The following MEF2C variants were observed in gnomAD, a reference collection of about 807,000 sequenced individuals.
The protein encoded by MEF2C is myocyte enhancer factor 2C, also known as myocyte-specific enhancer factor 2C.
MEF2C carries 6 observed loss-of-function variants against 50.5 expected under a neutral mutation model. The observed-to-expected ratio is 0.12, with a 90% CI of 0.07 to 0.23. MEF2C has a LOEUF of 0.23. MEF2C is among the 10% of genes least tolerant of loss of function. MEF2C has a pLI of 1.00. For synonymous variants in MEF2C, 183 were observed against 228.0 expected (o/e 0.80, Z 1.78); for missense variants, 276 against 605.0 (o/e 0.46, Z 5.70).
chr5:88,752,027 T>C lies in MEF2C; in HGVS notation c.419A>G (p.Asn140Ser). The change falls in exon 5 of 11, where the codon AAC (asparagine) becomes AGC (serine). Residue 140 changes from asparagine to serine, a missense_variant. Coordinates refer to ENST00000504921, the MANE Select transcript of MEF2C (RefSeq NM_002397.5). ...RQRLCAVPPP[N>S]FEMPVSIPVS... ...TGGGATGGAGACTGGCATCTCGAAGTTGGGAGGTGGAACAGCCTGCAGGAA... is the reference window on the plus strand; with the variant it reads ...TGGGATGGAGACTGGCATCTCGAAGCTGGGAGGTGGAACAGCCTGCAGGAA... The C allele has an allele frequency of 2.5e-6, 4 of 1,609,500 alleles. No homozygotes were observed. The highest frequency in any genetic ancestry group is 2.5e-6 in the Non-Finnish European group (3 of 1,177,104).
chr5:88,797,932 G>T (rs1007688940), intron 3 of MEF2C, among the ~76,000 whole-genome samples: 1 of 152,132 alleles, frequency 6.6e-6, no homozygotes, highest in Non-Finnish European at 1.5e-5. Flanking sequence ...ATGAAATTCT[G>T]GGTTGAAAAT....
chr5:88,830,103 C>T (rs1316584526), intron 1 of MEF2C, among the ~76,000 whole-genome samples: 1 of 151,858 alleles, frequency 6.6e-6, no homozygotes, highest in Non-Finnish European at 1.5e-5. Flanking sequence ...TATCCTGTAA[C>T]AATAATCACC....
upstream of MEF2C, among the ~76,000 whole-genome samples, chr5:88,884,737 A>C (rs545762897): frequency 1.8e-4 from 28 of 151,888 alleles, no homozygotes; most frequent in Non-Finnish European, 2.9e-4. Flanking sequence ...GGAAGCAGAA[A>C]TAGAGACTGA....
intron 6 of MEF2C, chr5:88,739,528 T>C: frequency 1.0e-6 from 1 of 981,444 alleles, no homozygotes; most frequent in South Asian, 4.7e-5. Context: ...TACATCTTTT[T>C]ATAGAAAATT....
intron 3 of MEF2C, among the ~76,000 whole-genome samples, chr5:88,790,890 A>G (rs1020259223): frequency 1.3e-5 from 2 of 152,150 alleles, no homozygotes; most frequent in African/African-American, 2.4e-5. Flanking sequence ...TAATTAGACA[A>G]AACAAAAACA....
At chr5:88,723,895 GA>G (rs1561651162) in intron 10 of MEF2C, among the ~76,000 whole-genome samples, 2 of 152,144 alleles carry the variant, frequency 1.3e-5, no homozygotes. Context: ...CAAAATCTGG[GA>G]AAATTTAGAA....
intron 5 of MEF2C, among the ~76,000 whole-genome samples, chr5:88,749,865 C>G (rs1339583536): frequency 6.6e-6 from 1 of 151,966 alleles, no homozygotes; most frequent in Non-Finnish European, 1.5e-5. Context: ...CCTGTCTCTA[C>G]TAAAAATACA....
rs934137375 is a variant in MEF2C, at chr5:88,741,744, G to C, written c.637+7326C>G. The stretch of plus-strand genomic sequence containing the variant: ...TCGGTTCTTTATAATAACTGGAGGT[G>C]GTGGGTGGACTCTAAGGTCAAGAAA... On this transcript the variant is annotated intron_variant, in intron 6 of 10. Transcript: ENST00000504921. The C allele has an allele frequency of 4.1e-6, 4 of 984,678 alleles. No homozygotes were observed. In the African/African-American group the frequency reaches 5.2e-5, roughly 13 times the overall value. The allele number at this position is 984,678 out of a possible 1,614,324, so 61.0% of individuals were successfully genotyped here.
intron 1 of MEF2C, among the ~76,000 whole-genome samples, chr5:88,864,049 T>G (rs1199105497): frequency 6.6e-6 from 1 of 151,932 alleles, no homozygotes; most frequent in Non-Finnish European, 1.5e-5. Flanking sequence ...TTCAAACTCC[T>G]GACCTCAGGT....
At chr5:88,748,423 GA>G (rs1263742370) in intron 6 of MEF2C, among the ~76,000 whole-genome samples, 4 of 152,238 alleles carry the variant, frequency 2.6e-5, no homozygotes, top group South Asian at 4.1e-4. Context: ...CCTCTGCATT[GA>G]AAATGACATC....
intron 6 of MEF2C, among the ~76,000 whole-genome samples, chr5:88,747,321 TTTTTTTTACTAC>T (rs1770230236): frequency 1.5e-5 from 2 of 129,286 alleles, no homozygotes. Context: ...CACATTTTTT[TTTTTTTTACTAC>T]TTTTTTTTTT....
At chr5:88,761,398 A>G in intron 3 of MEF2C, 70 bp from the exon 4 acceptor site, 3 of 1,522,650 alleles carry the variant, frequency 2.0e-6, no homozygotes, top group Admixed American at 2.1e-5. Context: ...GCATTAAAGA[A>G]GTTCAAGCTG....
intron 1 of MEF2C, chr5:88,839,097 T>C (rs886688667): frequency 3.3e-5 from 5 of 152,210 alleles, no homozygotes; most frequent in African/African-American, 1.2e-4. Flanking sequence ...TGTGTAGCCT[T>C]GCTCTATCAG....
At chr5:88,743,683 T>A in intron 6 of MEF2C, 1 of 985,432 alleles carries the variant, frequency 1.0e-6, no homozygotes, top group Non-Finnish European at 1.2e-6. Flanking sequence ...ATGGAGTCTT[T>A]CCAGAGTCTG....
At chr5:88,876,122 T>C (rs919940242) in intron 1 of MEF2C, among the ~76,000 whole-genome samples, 1 of 148,608 alleles carries the variant, frequency 6.7e-6, no homozygotes, top group African/African-American at 2.4e-5. Context: ...CACAAAGCCA[T>C]TTAAGTTAAA....
chr5:88,861,997 G>A (rs1365273053), intron 1 of MEF2C, among the ~76,000 whole-genome samples: 19 of 152,140 alleles, frequency 1.2e-4, no homozygotes, highest in Admixed American at 1.2e-3. Context: ...CTGGGAAATG[G>A]TATTAGTAAG....
intron 1 of MEF2C, among the ~76,000 whole-genome samples, chr5:88,827,847 G>A (rs1387399612): frequency 2.8e-5 from 4 of 144,964 alleles, no homozygotes; most frequent in African/African-American, 1.0e-4. Context: ...AAAGAATTAT[G>A]AAAACCGGCA....
intron 1 of MEF2C, among the ~76,000 whole-genome samples, chr5:88,866,077 T>C (rs985911599): frequency 1.3e-5 from 2 of 152,088 alleles, no homozygotes; most frequent in African/African-American, 2.4e-5. Context: ...TTGTATTTTT[T>C]AGTAGAGACG....
chr5:88,827,904 G>A (rs1811554313), intron 1 of MEF2C, among the ~76,000 whole-genome samples: 1 of 137,484 alleles, frequency 7.3e-6, no homozygotes, highest in African/African-American at 2.9e-5. Context: ...TCATTTGTTT[G>A]CTCCCACATT....
Sources: allele counts gnomAD v4.1 joint callset (sites outside exome capture counted in the v4.1 genomes callset), GRCh38; gene constraint gnomAD v4.1.1; transcripts MANE v1.5; gene names NCBI Gene and HGNC (gene_info 2026-07-23, HGNC 2026-07-21).